KCTD8: variants seen among roughly 807,000 people sequenced by gnomAD.
KCTD8 encodes the protein potassium channel tetramerization domain containing 8.
In KCTD8, 27 loss-of-function variants were observed where a neutral mutation model predicts 31.5. The ratio of observed to expected loss-of-function variants is 0.86; its 90% confidence interval spans 0.63 to 1.18. The LOEUF is 1.18. Ranked by LOEUF, KCTD8 falls within the 50% of genes most tolerant of loss-of-function variation. The pLI is 0.00. For missense variants in KCTD8, 658 were observed against 647.7 expected (o/e 1.02, Z -0.17); for synonymous variants, 290 against 280.0 (o/e 1.04, Z -0.36).
At chr4:44,368,265 T>C (rs1029001106) in intron 1 of KCTD8, among the ~76,000 whole-genome samples, 2 of 152,090 alleles carry the variant, frequency 1.3e-5, no homozygotes, top group African/African-American at 4.8e-5. Flanking sequence ...TAGTCCCAGC[T>C]ACTTGGGAGT....
At chr4:44,262,943 A>G (rs2109366438) in intron 1 of KCTD8, among the ~76,000 whole-genome samples, 1 of 152,280 alleles carries the variant, frequency 6.6e-6, no homozygotes, top group Admixed American at 6.5e-5. Context: ...ACTAGAGCAA[A>G]GTAGAATCGC....
chr4:44,228,495 C>T (rs1338845249), intron 1 of KCTD8, among the ~76,000 whole-genome samples: 1 of 152,244 alleles, frequency 6.6e-6, no homozygotes, highest in African/African-American at 2.4e-5. Flanking sequence ...AACACTTCTT[C>T]TCACTCAATA....
intron 1 of KCTD8, among the ~76,000 whole-genome samples, chr4:44,241,408 C>T (rs547321235): frequency 6.6e-6 from 1 of 152,356 alleles, no homozygotes; most frequent in Admixed American, 6.5e-5. Flanking sequence ...CACCTGAACA[C>T]ACGCACATTC....
chr4:44,278,248 G>T (rs1430541165), intron 1 of KCTD8, among the ~76,000 whole-genome samples: 1 of 151,978 alleles, frequency 6.6e-6, no homozygotes, highest in Admixed American at 6.6e-5. Context: ...GTATCAACAT[G>T]AAACTTTCAC....
At chr4:44,251,873 T>C (rs1166277458) in intron 1 of KCTD8, among the ~76,000 whole-genome samples, 2 of 151,594 alleles carry the variant, frequency 1.3e-5, no homozygotes, top group Non-Finnish European at 3.0e-5. Flanking sequence ...TTTTAATTAT[T>C]ATTTCAATAG....
intron 1 of KCTD8, among the ~76,000 whole-genome samples, chr4:44,232,905 A>G (rs1217634096): frequency 2.6e-5 from 4 of 152,074 alleles, no homozygotes; most frequent in African/African-American, 9.7e-5. Flanking sequence ...GAATAAGTAG[A>G]AAATTGTTGT....
chr4:44,190,521 T>A (rs1029930350), intron 1 of KCTD8, among the ~76,000 whole-genome samples: 4 of 152,200 alleles, frequency 2.6e-5, no homozygotes, highest in Admixed American at 2.6e-4. Flanking sequence ...GCTAAAGTAC[T>A]ATATTTATAA....
chr4:44,179,054 TTTTACATGTG>T (rs1713300272), intron 1 of KCTD8, among the ~76,000 whole-genome samples: 1 of 152,162 alleles, frequency 6.6e-6, no homozygotes, highest in Non-Finnish European at 1.5e-5. Flanking sequence ...AGAGAAAAGA[TTTTACATGTG>T]TGTAGAATGA....
At chr4:44,227,611 T>C (rs1715003300) in intron 1 of KCTD8, among the ~76,000 whole-genome samples, 1 of 152,194 alleles carries the variant, frequency 6.6e-6, no homozygotes, top group Non-Finnish European at 1.5e-5. Context: ...CCAGTAAGCA[T>C]TTTCTTTGAT....
rs1022897762 is a variant in KCTD8 at position 44,189,649 on chromosome 4, G to GCA, written c.962-14401_962-14400dup. On this transcript the variant is annotated intron_variant, in intron 1 of 1. Transcript: ENST00000360029. ...CCCATCTACCCATTCCAACATACATGCACACACACACACAATCACAGAACT... is the reference window on the plus strand; with the variant it reads ...CCCATCTACCCATTCCAACATACATGCACACACACACACACAATCACAGAACT... Among the ~76,000 whole-genome samples, 37 of 150,958 alleles carry GCA rather than the reference G, an allele frequency of 2.5e-4. No homozygotes were observed. In the East Asian group the frequency reaches 2.9e-3, roughly 12 times the overall value.
In KCTD8 at chr4:44,243,208, C is replaced by A. The variant is rs150608137; in HGVS notation, c.962-67958G>T. Reference sequence around the variant, plus strand: ...AACTTCCTTTGTTCATGGGTTCCAGCGAAGTTAAAAATGGAGATATGCTAA... The same window carrying A: ...AACTTCCTTTGTTCATGGGTTCCAGAGAAGTTAAAAATGGAGATATGCTAA... On this transcript the variant is annotated intron_variant, in intron 1 of 1. Transcript: ENST00000360029. Among the ~76,000 whole-genome samples, 4 of 152,094 alleles carry A rather than the reference C, an allele frequency of 2.6e-5. No individual in the cohort carries two copies. The South Asian group carries it at 8.3e-4, about 32-fold the overall frequency.
At chr4:44,196,099 C>A (rs1713933740) in intron 1 of KCTD8, among the ~76,000 whole-genome samples, 1 of 152,204 alleles carries the variant, frequency 6.6e-6, no homozygotes, top group Non-Finnish European at 1.5e-5. Context: ...TTTGTGCCAA[C>A]TAGAACTTGC....
intron 1 of KCTD8, among the ~76,000 whole-genome samples, chr4:44,303,320 T>C (rs1396758770): frequency 6.6e-6 from 1 of 152,078 alleles, no homozygotes; most frequent in Admixed American, 6.5e-5. Flanking sequence ...GTACCTCTGG[T>C]AGAATTCGGC....
At chr4:44,242,613 A>C (rs1028437956) in intron 1 of KCTD8, among the ~76,000 whole-genome samples, 2 of 151,410 alleles carry the variant, frequency 1.3e-5, no homozygotes, top group African/African-American at 4.9e-5. Flanking sequence ...CAAAACAAAA[A>C]AAAAACTTGT....
At chr4:44,187,990 CATAT>C (rs551883465) in intron 1 of KCTD8, among the ~76,000 whole-genome samples, 1 of 142,142 alleles carries the variant, frequency 7.0e-6, no homozygotes, top group African/African-American at 2.6e-5. Context: ...CACACACACA[CATAT>C]ATATATACAT....
intron 1 of KCTD8, among the ~76,000 whole-genome samples, chr4:44,266,184 C>T (rs1174383446): frequency 4.6e-5 from 7 of 152,270 alleles, no homozygotes; most frequent in South Asian, 2.1e-4. Flanking sequence ...ATCAGACTAA[C>T]AGCGGATCTC....
intron 1 of KCTD8, among the ~76,000 whole-genome samples, chr4:44,327,639 A>G (rs1718483110): frequency 1.3e-5 from 2 of 151,716 alleles, no homozygotes. Context: ...AGATATTTAT[A>G]AAAGGTAGCA....
intron 1 of KCTD8, among the ~76,000 whole-genome samples, chr4:44,291,699 G>A (rs1040413412): frequency 1.3e-5 from 2 of 151,892 alleles, no homozygotes; most frequent in African/African-American, 4.8e-5. Context: ...CCTACAGAAT[G>A]GGTGAAACAA....
At chr4:44,382,446 G>T (rs1163905859) in intron 1 of KCTD8, among the ~76,000 whole-genome samples, 1 of 152,030 alleles carries the variant, frequency 6.6e-6, no homozygotes, top group African/African-American at 2.4e-5. Flanking sequence ...AAACAAGATG[G>T]TCGGGCATGG....
Sources: gnomAD v4.1 joint callset for allele counts (sites outside exome capture counted in the v4.1 genomes callset) on GRCh38, gnomAD v4.1.1 for gene constraint, MANE v1.5 for transcripts, NCBI Gene and HGNC (gene_info 2026-07-23, HGNC 2026-07-21) for gene names.